The following ARHGEF10 variants were observed in gnomAD, a reference collection of about 807,000 sequenced individuals.
ARHGEF10 encodes the protein Rho guanine nucleotide exchange factor (GEF) 10.
In ARHGEF10, 140 loss-of-function variants were observed where a neutral mutation model predicts 147.4. That is an observed-to-expected ratio of 0.95 (90% CI 0.83 to 1.09). ARHGEF10 has a LOEUF of 1.09. Among genes scored for constraint, ARHGEF10 ranks in the 50% least tolerant of loss-of-function variants. The pLI is 0.00. For synonymous variants in ARHGEF10, 902 were observed against 695.8 expected (o/e 1.30, Z -4.67); for missense variants, 2,222 against 1,752.7 (o/e 1.27, Z -4.78).
intron 1 of ARHGEF10, among the ~76,000 whole-genome samples, chr8:1,833,026 ACAGG>A (rs1235919833): frequency 5.9e-5 from 4 of 67,968 alleles, no homozygotes; most frequent in Non-Finnish European, 9.6e-5. Context: ...AGAGGCAGAG[ACAGG>A]CAGAGAGAGA....
chr8:1,929,149 T>G, intron 24 of ARHGEF10, 137 bp from the exon 25 acceptor site: 1 of 940,424 alleles, frequency 1.1e-6, no homozygotes. Context: ...TTTTTAAAAG[T>G]ACTGGCAAGT....
Position 1,898,515 on chromosome 8 carries a change from T to G in ARHGEF10, c.1640T>G (p.Leu547Arg). Reference protein sequence around the residue: ...KPIQRFPQFILLLQDMLKNTS... With the variant: ...KPIQRFPQFIRLLQDMLKNTS... ...ATCCAGAGGTTCCCACAGTTCATCC[T>G]CCTGCTCCAGGTAAGTGCTTCACGG... Residue 547 changes from leucine (L) to arginine (R), a missense_variant, in exon 15 of 29, where the codon CTC becomes CGC. By Grantham distance (102) the Leu-to-Arg change is moderately radical. Coordinates refer to ENST00000349830, the MANE Select transcript of ARHGEF10 (RefSeq NM_014629.4). 2 of 1,614,108 alleles carry G rather than the reference T, an allele frequency of 1.2e-6. No homozygotes were observed. The highest frequency in any genetic ancestry group is 2.2e-5 in the South Asian group (2 of 91,086).
Position 1,924,631 on chromosome 8 carries a change from G to T in ARHGEF10, c.2489-652G>T, listed in dbSNP as rs1812548530. Among the ~76,000 whole-genome samples, 6 of 152,350 alleles carry T rather than the reference G, an allele frequency of 3.9e-5. No individual in the cohort carries two copies. The South Asian group carries it at 1.2e-3, about 32-fold the overall frequency. ...CGGACGGGAAAGCCGTCCTGACTTT[G>T]TGCTCACTTGATGAGGAAGCAGAAA... On this transcript the variant is annotated intron_variant, in intron 21 of 28. Transcript: ENST00000349830.
At position 1,843,393 on chromosome 8, in the gene ARHGEF10, C is replaced by T; in HGVS notation, c.-7C>T. On this transcript the variant is annotated 5_prime_UTR_variant, in exon 2 of 29. Transcript: ENST00000349830. The stretch of plus-strand genomic sequence containing the variant: ...ACAGAGCTGAGAGAGGCATCTGGAG[C>T]TGCAGCATGGACCAGCGAGAGCCCC... 6.2e-7 allele frequency: 1 copy of T among 1,613,208 alleles called. No homozygotes were observed. The highest frequency in any genetic ancestry group is 8.5e-7 in the Non-Finnish European group (1 of 1,179,994).
intron 2 of ARHGEF10, among the ~76,000 whole-genome samples, chr8:1,850,506 G>C (rs1281612844): frequency 6.8e-6 from 1 of 146,554 alleles, no homozygotes; most frequent in African/African-American, 2.5e-5. Context: ...TGGGCCACCC[G>C]CGTGGACACA....
chr8:1,925,441 G>A (rs372286785), intron 22 of ARHGEF10, 37 bp downstream of exon 22: 51 of 1,611,596 alleles, frequency 3.2e-5, no homozygotes, highest in Middle Eastern at 1.9e-4. Flanking sequence ...GGGGTGGGAC[G>A]CACCTCGCAG....
Position 1,843,334 on chromosome 8 carries a change from G to T in ARHGEF10, c.-47-19G>T, listed in dbSNP as rs1314192745. 3.7e-6 allele frequency: 6 copies of T among 1,603,476 alleles called. No individual in the cohort carries two copies. In the East Asian group the frequency reaches 1.1e-4, roughly 30 times the overall value. On this transcript the variant is annotated intron_variant, in intron 1 of 28. Transcript: ENST00000349830. ...TTATCCACCTGAACGGTGACAAGCA[G>T]TGTCTCTCCTTCTTGCAGGAGCTCC...
rs1805766526 is a variant in ARHGEF10, at chr8:1,858,239, G to GGACCCCAGGTGA, written c.193+125_193+126insACCCCAGGTGAG. On this transcript the variant is annotated intron_variant, in intron 3 of 28. Coordinates refer to ENST00000349830, the MANE Select transcript of ARHGEF10 (RefSeq NM_014629.4). ...GAGTCCCCAGGTGAGTCCCCAGGTG[G>GGACCCCAGGTGA]GTCCCCAGGTGAGTCCCCTGGGGGG... The GGACCCCAGGTGA allele has an allele frequency of 6.6e-6, 4 of 607,426 alleles. No homozygotes were observed. The African/African-American group carries it at 9.7e-5, about 15-fold the overall frequency. 37.6% of individuals were successfully genotyped at this position (607,426 alleles called of 1,614,324 possible). A position where few individuals can be genotyped will look rare whatever the true frequency, so the allele number is the denominator to read the frequency against.
At chr8:1,866,689 C>A in intron 6 of ARHGEF10, 87 bp downstream of exon 6, 1 of 1,180,312 alleles carries the variant, frequency 8.5e-7, no homozygotes, top group African/African-American at 1.5e-5. Context: ...AGTCTCAGGT[C>A]CCATCAGATC....
In ARHGEF10 at chr8:1,848,849, T is replaced by C. The variant is rs187024836; in HGVS notation, c.37+5413T>C. ...AGTGATAGTATCTGCATGGTTATGT[T>C]TCAAACATTAGCAGTTTTTTTCCCT... On this transcript the variant is annotated intron_variant, in intron 2 of 28. Transcript: ENST00000349830. 9.2e-5 allele frequency among the ~76,000 whole-genome samples: 14 copies of C among 152,346 alleles called. 1 individual carries two copies. Among genetic ancestry groups the C allele is most frequent in the Admixed American group, 9.1e-4 (14 of 15,304 alleles).
chr8:1,837,328 A>T (rs1247819410), intron 1 of ARHGEF10, among the ~76,000 whole-genome samples: 10 of 152,232 alleles, frequency 6.6e-5, no homozygotes, highest in Non-Finnish European at 1.5e-5. Flanking sequence ...GGCAGACGCC[A>T]TGGTCGGTGC....
At chr8:1,902,135 G>A (rs917000474) in intron 15 of ARHGEF10, among the ~76,000 whole-genome samples, 3 of 152,050 alleles carry the variant, frequency 2.0e-5, no homozygotes, top group Admixed American at 1.3e-4. Flanking sequence ...TTGTCTTAAT[G>A]CTCTCCCTCC....
At chr8:1,876,470 C>T in intron 7 of ARHGEF10, 101 bp from the exon 8 acceptor site, 1 of 1,240,614 alleles carries the variant, frequency 8.1e-7, no homozygotes, top group East Asian at 2.3e-5. Flanking sequence ...GATTTCCTTC[C>T]ACCCCCAGCT....
intron 18 of ARHGEF10, among the ~76,000 whole-genome samples, chr8:1,919,218 CGTGGGTG>C (rs1812012090): frequency 9.4e-6 from 1 of 106,828 alleles, no homozygotes; most frequent in African/African-American, 4.0e-5. Context: ...GGAGCTGCTC[CGTGGGTG>C]ATGGAGCTGT....
intron 18 of ARHGEF10, among the ~76,000 whole-genome samples, chr8:1,913,982 C>T (rs976699420): frequency 2.6e-4 from 40 of 152,110 alleles, no homozygotes; most frequent in Non-Finnish European, 1.9e-4. Context: ...CGGAAAGGGT[C>T]GTGGGTGAGG....
At chr8:1,911,623 C>T (rs969322874) in intron 18 of ARHGEF10, among the ~76,000 whole-genome samples, 12 of 152,196 alleles carry the variant, frequency 7.9e-5, no homozygotes, top group African/African-American at 2.2e-4. Context: ...GGCAGGGCTT[C>T]TATCCCGACA....
intron 4 of ARHGEF10, among the ~76,000 whole-genome samples, chr8:1,861,118 G>C (rs771636714): frequency 1.3e-5 from 2 of 152,222 alleles, no homozygotes; most frequent in Non-Finnish European, 2.9e-5. Flanking sequence ...TCCGGTCTCT[G>C]TGTCCTCAGC....
chr8:1,873,887 A>G (rs1273246505), intron 7 of ARHGEF10, among the ~76,000 whole-genome samples: 1 of 151,526 alleles, frequency 6.6e-6, no homozygotes, highest in African/African-American at 2.4e-5. Flanking sequence ...TGTGTCAGGT[A>G]TACGTAAATA....
At chr8:1,909,116 T>G (rs139661423) in intron 17 of ARHGEF10, among the ~76,000 whole-genome samples, 179 bp from the exon 18 acceptor site, 1 of 152,302 alleles carries the variant, frequency 6.6e-6, no homozygotes, top group East Asian at 1.9e-4. Flanking sequence ...TCGAGGCCTC[T>G]TTATGGCAGC....
Sources: gnomAD v4.1 joint callset for allele counts (sites outside exome capture counted in the v4.1 genomes callset) on GRCh38, gnomAD v4.1.1 for gene constraint, MANE v1.5 for transcripts, NCBI Gene and HGNC (gene_info 2026-07-23, HGNC 2026-07-21) for gene names.